Variants in NLGN1 observed in about 807,000 individuals in gnomAD.
NLGN1 encodes neuroligin 1.
In NLGN1, 12 loss-of-function variants were observed where a neutral mutation model predicts 65.5. The ratio of observed to expected loss-of-function variants is 0.18; its 90% confidence interval spans 0.12 to 0.30. NLGN1 has a LOEUF of 0.30. Among genes scored for constraint, NLGN1 ranks in the 10% least tolerant of loss-of-function variants. The pLI is 1.00. For synonymous variants in NLGN1, 350 were observed against 359.5 expected, an observed-to-expected ratio of 0.97 and a Z score of 0.30; for missense variants, 750 against 1,007.1, an observed-to-expected ratio of 0.74 and a Z score of 3.46.
At chr3:173,555,966 T>G (rs1488182982) in intron 2 of NLGN1, among the ~76,000 whole-genome samples, 1 of 152,234 alleles carries the variant, frequency 6.6e-6, no homozygotes. Flanking sequence ...TTTTAATCAT[T>G]AATTCAATTT....
chr3:174,228,956 G>A (rs192370923), intron 4 of NLGN1, among the ~76,000 whole-genome samples: 1 of 152,102 alleles, frequency 6.6e-6, no homozygotes, highest in East Asian at 1.9e-4. Flanking sequence ...AAGACAGTAT[G>A]GATTCCATTT....
chr3:173,768,513 A>C (rs1779100101), intron 3 of NLGN1, among the ~76,000 whole-genome samples: 1 of 152,106 alleles, frequency 6.6e-6, no homozygotes, highest in Admixed American at 6.5e-5. Flanking sequence ...TAAATGCCCA[A>C]ACTCTTGAAA....
chr3:174,217,226 T>G (rs1484080815), intron 4 of NLGN1, among the ~76,000 whole-genome samples: 1 of 152,122 alleles, frequency 6.6e-6, no homozygotes, highest in Non-Finnish European at 1.5e-5. Flanking sequence ...AAATATTCTC[T>G]TTTTATAAGG....
intron 3 of NLGN1, among the ~76,000 whole-genome samples, chr3:173,624,260 G>A (rs1254969039): frequency 6.6e-6 from 1 of 152,136 alleles, no homozygotes; most frequent in East Asian, 1.9e-4. Context: ...GGAACAAAGG[G>A]AATTGTAATA....
chr3:173,422,468 A>G (rs1183173232), intron 1 of NLGN1, among the ~76,000 whole-genome samples: 1 of 152,136 alleles, frequency 6.6e-6, no homozygotes, highest in Non-Finnish European at 1.5e-5. Context: ...CTTCGATTTG[A>G]TTTCCTTTTG....
At chr3:173,852,096 C>T (rs1432199760) in intron 4 of NLGN1, among the ~76,000 whole-genome samples, 2 of 151,702 alleles carry the variant, frequency 1.3e-5, no homozygotes, top group Non-Finnish European at 2.9e-5. Context: ...GTGGCTCACG[C>T]CTGTAATCCC....
At chr3:173,486,066 A>G (rs982656619) in intron 2 of NLGN1, among the ~76,000 whole-genome samples, 3 of 151,818 alleles carry the variant, frequency 2.0e-5, no homozygotes, top group Non-Finnish European at 4.4e-5. Context: ...TATTTTTGAG[A>G]TGGAGTCTCA....
chr3:174,233,548 C>T (rs1741131905), intron 4 of NLGN1, among the ~76,000 whole-genome samples: 1 of 151,758 alleles, frequency 6.6e-6, no homozygotes, highest in South Asian at 2.1e-4. Flanking sequence ...AGGCAAACCT[C>T]TTGAACAGAC....
chr3:174,123,090 A>G (rs1379196680), intron 4 of NLGN1, among the ~76,000 whole-genome samples: 1 of 152,026 alleles, frequency 6.6e-6, no homozygotes, highest in Non-Finnish European at 1.5e-5. Flanking sequence ...GACAAGTGAA[A>G]TGTGAAACCA....
chr3:173,588,652 C>G (rs1747916388), intron 2 of NLGN1, among the ~76,000 whole-genome samples: 1 of 152,130 alleles, frequency 6.6e-6, no homozygotes, highest in African/African-American at 2.4e-5. Context: ...ATTTCCGTTG[C>G]ATGTGAGAGA....
chr3:174,101,851 G>A (rs1205403625), intron 4 of NLGN1, among the ~76,000 whole-genome samples: 1 of 152,132 alleles, frequency 6.6e-6, no homozygotes, highest in Non-Finnish European at 1.5e-5. Context: ...CACTCTCTGT[G>A]TGTCATAAGT....
At chr3:173,531,396 G>A (rs1038896819) in intron 2 of NLGN1, among the ~76,000 whole-genome samples, 1 of 152,016 alleles carries the variant, frequency 6.6e-6, no homozygotes, top group Non-Finnish European at 1.5e-5. Flanking sequence ...TCTCTAGGAT[G>A]TTTAAAAGTA....
intron 1 of NLGN1, among the ~76,000 whole-genome samples, chr3:173,418,128 A>G (rs1316270720): frequency 2.0e-5 from 3 of 151,006 alleles, no homozygotes; most frequent in African/African-American, 7.3e-5. Context: ...TGGTATTTTA[A>G]TGCTCTGTCA....
chr3:173,456,975 GA>G (rs1170158046), intron 2 of NLGN1, among the ~76,000 whole-genome samples: 2 of 152,082 alleles, frequency 1.3e-5, no homozygotes, highest in Non-Finnish European at 2.9e-5. Context: ...TTGTCAGGGA[GA>G]ACCATGGGAG....
chr3:174,190,190 CT>C (rs963695090), intron 4 of NLGN1, among the ~76,000 whole-genome samples: 28 of 152,024 alleles, frequency 1.8e-4, no homozygotes, highest in African/African-American at 6.8e-4. Flanking sequence ...GAGTTTTAGA[CT>C]GTTTTGTTTG....
chr3:174,140,008 G>A (rs1170080439), intron 4 of NLGN1, among the ~76,000 whole-genome samples: 1 of 152,052 alleles, frequency 6.6e-6, no homozygotes, highest in African/African-American at 2.4e-5. Flanking sequence ...TTTATCAGAT[G>A]TGTCATTTGC....
rs568545444 is a variant in NLGN1, at chr3:173,565,357, C to T, written c.-320-38922C>T. Among the ~76,000 whole-genome samples the T allele has an allele frequency of 7.9e-5, 12 of 152,250 alleles. No homozygotes were observed. In the Middle Eastern group the frequency reaches 0.017, roughly 216 times the overall value. ...ATGGGATTGAGAAGAGGGAGATTGC[C>T]TGGAAGTAGAACAGAAGTGACCGGG... On this transcript the variant is annotated intron_variant, in intron 2 of 6. Transcript: ENST00000457714.
At position 173,645,358 on chromosome 3, in the gene NLGN1, G is replaced by T. The variant is rs559424043; in HGVS notation, c.493+40267G>T. 2.0e-5 allele frequency among the ~76,000 whole-genome samples: 3 copies of T among 152,322 alleles called. No individual in the cohort carries two copies. The South Asian group carries it at 6.2e-4, about 32-fold the overall frequency. On this transcript the variant is annotated intron_variant, in intron 3 of 6. Coordinates refer to ENST00000457714, the Ensembl canonical transcript of NLGN1. ...AGTGCTGGATTCCCACCAACATTGG[G>T]CTTTTGGAGGTTTCAGTCCCCATGA...
rs186706036 is a variant in NLGN1, at chr3:173,546,539, G to A, written c.-320-57740G>A. ...TGGTTAAATGAAGAAAATCTGAGGC[G>A]TTCTCATAGGAGTAACAAAAAAGAA... On this transcript the variant is annotated intron_variant, in intron 2 of 6. Coordinates refer to ENST00000457714, the Ensembl canonical transcript of NLGN1. Among the ~76,000 whole-genome samples the A allele has an allele frequency of 1.2e-4, 18 of 152,180 alleles. No homozygotes were observed. The East Asian group carries it at 1.5e-3, about 13-fold the overall frequency.
Sources: allele counts gnomAD v4.1 joint callset (sites outside exome capture counted in the v4.1 genomes callset), GRCh38; gene constraint gnomAD v4.1.1; transcripts MANE v1.5; gene names NCBI Gene and HGNC (gene_info 2026-07-23, HGNC 2026-07-21).